The following CRYBG3 variants were observed in gnomAD, a reference collection of about 807,000 sequenced individuals.
CRYBG3 encodes the protein crystallin beta-gamma domain containing 3, also known as very large A-kinase anchor protein.
In CRYBG3, 127 loss-of-function variants were observed where a neutral mutation model predicts 244.2. That is an observed-to-expected ratio of 0.52 (90% CI 0.45 to 0.60). CRYBG3 has a LOEUF of 0.60. CRYBG3 is among the 20% of genes least tolerant of loss of function. The probability of loss-of-function intolerance (pLI) is 0.00; values close to 1 mark genes in which losing one functional copy is unlikely to be tolerated. For synonymous variants in CRYBG3, 1,132 were observed against 1,195.8 expected, an observed-to-expected ratio of 0.95 and a Z score of 1.10; for missense variants, 3,325 against 3,442.5, an observed-to-expected ratio of 0.97 and a Z score of 0.85.
chr3:97,938,745 G>T (rs767166778), intron 19 of CRYBG3, among the ~76,000 whole-genome samples: 1 of 151,986 alleles, frequency 6.6e-6, no homozygotes. Flanking sequence ...TGAACAGTCT[G>T]ATATGGCTCT....
chr3:97,933,530 A>G, intron 17 of CRYBG3, 164 bp from the exon 18 acceptor site: 1 of 762,726 alleles, frequency 1.3e-6, no homozygotes, highest in Non-Finnish European at 2.3e-6. Flanking sequence ...TATTAATAAA[A>G]TCTAATCTTT....
intron 2 of CRYBG3, among the ~76,000 whole-genome samples, chr3:97,849,863 A>G (rs748110772): frequency 6.6e-6 from 1 of 152,120 alleles, no homozygotes; most frequent in Non-Finnish European, 1.5e-5. Context: ...TACTTATATC[A>G]TAACAGGAGG....
At chr3:97,860,768 C>G (rs1170908444) in intron 2 of CRYBG3, among the ~76,000 whole-genome samples, 1 of 152,110 alleles carries the variant, frequency 6.6e-6, no homozygotes, top group Non-Finnish European at 1.5e-5. Context: ...TTGACCTCCT[C>G]TATCTCTTTC....
intron 1 of CRYBG3, among the ~76,000 whole-genome samples, chr3:97,825,020 AAG>A (rs2108148530): frequency 6.6e-6 from 1 of 152,266 alleles, no homozygotes; most frequent in South Asian, 2.1e-4. Flanking sequence ...AGAACTTAGG[AAG>A]AGAGAGAATA....
Position 97,880,092 on chromosome 3 carries a change from A to C in CRYBG3, c.6996A>C (p.Val2332=), listed in dbSNP as rs377313553. The C allele has an allele frequency of 2.3e-4, 358 of 1,551,004 alleles. No homozygotes were observed. Among genetic ancestry groups the C allele is most frequent in the Non-Finnish European group, 3.0e-4 (338 of 1,129,000 alleles). ...CAAATGGAGTTCTAATAAAAGTTGT[A>C]AGGGGCTGGTAAGAAGTTTCTTAAA... ...SFPNGVLIKV[V]RGCWILYEKP... The change falls in exon 6 of 22, where the codon GTA becomes GTC. Residue 2332 remains valine, a synonymous_variant. Coordinates refer to ENST00000389622, the MANE Select transcript of CRYBG3 (RefSeq NM_153605.4).
Position 97,890,559 on chromosome 3 carries a change from G to T in CRYBG3, c.7440+1169G>T, listed in dbSNP as rs1360160412. Among the ~76,000 whole-genome samples the T allele has an allele frequency of 3.3e-5, 5 of 152,066 alleles. No individual in the cohort carries two copies. In the East Asian group the frequency reaches 9.6e-4, roughly 29 times the overall value. On this transcript the variant is annotated intron_variant, in intron 10 of 21. Transcript: ENST00000389622. ...TGTATTTCTTACTGAGTTTGAATGT[G>T]GTCAGCATATGTAACATGTATTAAA...
At chr3:97,891,742 A>G (rs2039578647) in intron 10 of CRYBG3, among the ~76,000 whole-genome samples, 1 of 152,166 alleles carries the variant, frequency 6.6e-6, no homozygotes, top group African/African-American at 2.4e-5. Context: ...CGTAAGGTGG[A>G]TGCCTAATGA....
At chr3:97,859,559 T>C (rs1238746738) in intron 2 of CRYBG3, among the ~76,000 whole-genome samples, 1 of 152,240 alleles carries the variant, frequency 6.6e-6, no homozygotes, top group African/African-American at 2.4e-5. Flanking sequence ...ATTTATTGAA[T>C]GAATCAATAC....
chr3:97,874,325 A>G lies in CRYBG3; in HGVS notation c.3131A>G (p.Tyr1044Cys). ...AAATTGGAAAAGAAATCCTCATCTT[A>G]CAGAAAGAAAGAGAACATCCATTTT... ...VLKLEKKSSS[Y>C]RKKENIHFLN... The change falls in exon 4 of 22, where the codon TAC becomes TGC. Residue 1044 changes from tyrosine (Y) to cysteine (C), a missense_variant. Around this residue, in one of 4 missense-constraint regions of CRYBG3, gnomAD observed 1,526 missense variants for 1,443.2 expected, o/e 1.06. Transcript: ENST00000389622. The G allele has an allele frequency of 6.5e-7, 1 of 1,527,542 alleles. No individual in the cohort carries two copies. The highest frequency in any genetic ancestry group is 8.7e-7 in the Non-Finnish European group (1 of 1,144,722). 94.6% of individuals were successfully genotyped at this position (1,527,542 alleles called of 1,614,324 possible).
At chr3:97,852,274 G>A (rs911212911) in intron 2 of CRYBG3, among the ~76,000 whole-genome samples, 1 of 152,208 alleles carries the variant, frequency 6.6e-6, no homozygotes, top group Admixed American at 6.5e-5. Context: ...AGTATTCAGA[G>A]AGTAAGAAGG....
intron 1 of CRYBG3, among the ~76,000 whole-genome samples, chr3:97,822,738 G>C (rs1157564628): frequency 6.6e-6 from 1 of 152,224 alleles, no homozygotes; most frequent in African/African-American, 2.4e-5. Context: ...TGCAGTAATG[G>C]GAAACACTTG....
intron 2 of CRYBG3, among the ~76,000 whole-genome samples, chr3:97,853,988 A>G (rs1370679514): frequency 1.3e-5 from 2 of 152,104 alleles, no homozygotes; most frequent in South Asian, 2.1e-4. Context: ...ATCCATCTTG[A>G]GTTGATTTTT....
At chr3:97,891,418 C>G (rs1219645595) in intron 10 of CRYBG3, among the ~76,000 whole-genome samples, 1 of 152,078 alleles carries the variant, frequency 6.6e-6, no homozygotes, top group East Asian at 1.9e-4. Flanking sequence ...CTCACATATT[C>G]TTTGTGAATA....
chr3:97,840,643 A>G (rs2038798316), intron 1 of CRYBG3: 3 of 152,224 alleles, frequency 2.0e-5, no homozygotes, highest in Middle Eastern at 6.8e-3. Flanking sequence ...TTTATATTAG[A>G]AAAGAAACTT....
rs1311921885 is a variant in CRYBG3, at chr3:97,875,960, C to G, written c.4766C>G (p.Ala1589Gly). ...ELNVTKTEPK[A>G]NVFKMGEVYQ... is the part of the protein sequence containing the mutation. Reference sequence around the variant, plus strand: ...AATGTCACGAAAACTGAGCCAAAAGCTAATGTTTTTAAAATGGGAGAAGTA... The same window carrying G: ...AATGTCACGAAAACTGAGCCAAAAGGTAATGTTTTTAAAATGGGAGAAGTA... Residue 1589 changes from alanine (A) to glycine (G), a missense_variant, in exon 4 of 22, where the codon GCT (alanine) becomes GGT (glycine). Ala to Gly is a moderately conservative substitution (Grantham distance 60, BLOSUM62 0). Coordinates refer to ENST00000389622, the MANE Select transcript of CRYBG3 (RefSeq NM_153605.4). 8.1e-7 allele frequency: 1 copy of G among 1,231,816 alleles called. No homozygotes were observed. Among genetic ancestry groups the G allele is most frequent in the African/African-American group, 1.6e-5 (1 of 64,356 alleles). The allele number at this position is 1,231,816 out of a possible 1,614,324, so 76.3% of individuals were successfully genotyped here. A position where few individuals can be genotyped will look rare whatever the true frequency, so the allele number is the denominator to read the frequency against.
In CRYBG3 at chr3:97,881,145, C is replaced by T. The variant is rs770675020; in HGVS notation, c.7078C>T (p.Arg2360Cys). The part of the protein sequence containing the change: ...VLEEGEKVLN[R>C]DWILQNRRHP... ...AGAAGAAGGGGAAAAGGTGTTAAAT[C>T]GTGACTGGATTCTTCAGAACAGAAG... Residue 2360 changes from arginine to cysteine, a missense_variant, in exon 7 of 22, where the codon CGT becomes TGT. Around this residue, in one of 4 missense-constraint regions of CRYBG3, gnomAD observed 714 missense variants for 803.6 expected, o/e 0.89. Coordinates refer to ENST00000389622, the MANE Select transcript of CRYBG3 (RefSeq NM_153605.4). 2.2e-5 allele frequency: 36 copies of T among 1,611,866 alleles called. No homozygotes were observed. Among genetic ancestry groups the T allele is most frequent in the African/African-American group, 5.3e-5 (4 of 74,810 alleles).
intron 17 of CRYBG3, among the ~76,000 whole-genome samples, chr3:97,918,430 A>G (rs978993442): frequency 9.9e-5 from 15 of 152,164 alleles, no homozygotes; most frequent in Non-Finnish European, 2.1e-4. Flanking sequence ...ACCTTAAGCA[A>G]ATCTCTTAAT....
chr3:97,832,966 G>C (rs571298913), intron 1 of CRYBG3, among the ~76,000 whole-genome samples: 1 of 152,298 alleles, frequency 6.6e-6, no homozygotes, highest in Admixed American at 6.5e-5. Flanking sequence ...ATGAAAAAAA[G>C]CTCATCATCA....
intron 2 of CRYBG3, among the ~76,000 whole-genome samples, chr3:97,846,477 A>G (rs964244016): frequency 3.9e-5 from 6 of 152,148 alleles, no homozygotes; most frequent in Non-Finnish European, 7.3e-5. Flanking sequence ...TTCCCTGTGG[A>G]TGTTCCTTTG....
Sources: allele counts gnomAD v4.1 joint callset (sites outside exome capture counted in the v4.1 genomes callset), GRCh38; gene constraint gnomAD v4.1.1; regional missense constraint gnomAD v4.1.1; transcripts MANE v1.5; gene names NCBI Gene and HGNC (gene_info 2026-07-23, HGNC 2026-07-21).